Variants in ADARB1 observed in about 807,000 individuals in gnomAD.
ADARB1 encodes adenosine deaminase RNA specific B1.
A neutral mutation model predicts 52.4 loss-of-function variants in ADARB1; 10 were observed. The observed-to-expected ratio is 0.19, with a 90% CI of 0.12 to 0.32. ADARB1 has a LOEUF of 0.32. Among genes scored for constraint, ADARB1 ranks in the 10% least tolerant of loss-of-function variants. The pLI is 1.00. For synonymous variants in ADARB1, 349 were observed against 371.1 expected (o/e 0.94, Z 0.68); for missense variants, 643 against 922.3 (o/e 0.70, Z 3.92).
At position 45,157,544 on chromosome 21, in the gene ADARB1, G is replaced by C. The variant is rs997259066; in HGVS notation, c.-47-14066G>C. Among the ~76,000 whole-genome samples the C allele has an allele frequency of 6.6e-6, 1 of 152,132 alleles. No individual in the cohort carries two copies. Among genetic ancestry groups the C allele is most frequent in the Non-Finnish European group, 1.5e-5 (1 of 68,014 alleles). ...GTTTGTGCTCTCGTGTGCCGGCTCTGACCTGTGATTTTGTTGCTGGATGTC... is the reference window on the plus strand; with the variant it reads ...GTTTGTGCTCTCGTGTGCCGGCTCTCACCTGTGATTTTGTTGCTGGATGTC... On this transcript the variant is annotated intron_variant, in intron 2 of 10. Transcript: ENST00000348831. This position sits in a 1 kb window ranked among gnomAD's most constrained non-coding sequence, Gnocchi z 4.1.
chr21:45,125,937 C>G (rs1337659350), intron 1 of ADARB1, among the ~76,000 whole-genome samples: 1 of 152,182 alleles, frequency 6.6e-6, no homozygotes, highest in Non-Finnish European at 1.5e-5. Flanking sequence ...TACTCCTATT[C>G]TAGCTTGAGC....
At chr21:45,194,430 CCT>C (rs879741176) in intron 8 of ADARB1, among the ~76,000 whole-genome samples, 21,236 of 151,272 alleles carry the variant, frequency 0.14, 2,139 homozygotes, top group African/African-American at 0.26. Flanking sequence ...CTGTACTCTG[CCT>C]GTTCACCCCC....
intron 8 of ADARB1, among the ~76,000 whole-genome samples, chr21:45,202,403 G>A (rs1043622556): frequency 1.2e-4 from 19 of 152,148 alleles, no homozygotes; most frequent in African/African-American, 4.6e-4. Flanking sequence ...TGAGGTTGGC[G>A]GCTGTTTGTC....
chr21:45,133,186 G>A (rs1479654701), intron 2 of ADARB1, among the ~76,000 whole-genome samples: 1 of 152,242 alleles, frequency 6.6e-6, no homozygotes, highest in African/African-American at 2.4e-5. Context: ...AGGAGTTAAG[G>A]TGCCTGTATT....
intron 2 of ADARB1, among the ~76,000 whole-genome samples, chr21:45,150,666 T>C (rs974235002): frequency 1.3e-4 from 20 of 152,190 alleles, no homozygotes; most frequent in African/African-American, 4.6e-4. Flanking sequence ...AGCCCCACCC[T>C]AACGAGAAGT....
At chr21:45,198,868 A>G (rs969469305) in intron 8 of ADARB1, among the ~76,000 whole-genome samples, 5 of 151,716 alleles carry the variant, frequency 3.3e-5, no homozygotes, top group African/African-American at 1.2e-4. Context: ...TTAAAGCTTC[A>G]TTAATTCCTC....
chr21:45,114,471 C>T (rs1388953867), intron 1 of ADARB1, among the ~76,000 whole-genome samples: 2 of 152,158 alleles, frequency 1.3e-5, no homozygotes, highest in East Asian at 3.8e-4. Context: ...TGGTGGATGC[C>T]AGGGTCAGGG....
At chr21:45,194,971 T>C (rs751505800) in intron 8 of ADARB1, among the ~76,000 whole-genome samples, 1 of 152,204 alleles carries the variant, frequency 6.6e-6, no homozygotes, top group African/African-American at 2.4e-5. Context: ...TGAGGATATG[T>C]TGAGTTTTGT....
chr21:45,115,928 C>T (rs967290435), intron 1 of ADARB1, among the ~76,000 whole-genome samples: 4 of 152,170 alleles, frequency 2.6e-5, no homozygotes, highest in African/African-American at 9.7e-5. Flanking sequence ...TATTTCTTCC[C>T]CCTGCAAAGC....
chr21:45,113,517 G>A (rs955180973), intron 1 of ADARB1, among the ~76,000 whole-genome samples: 2 of 149,926 alleles, frequency 1.3e-5, no homozygotes, highest in Non-Finnish European at 3.0e-5. Context: ...GTGTGTGTGT[G>A]TGTGTGTATA....
At chr21:45,216,276 G>T (rs1174285892) in intron 9 of ADARB1, among the ~76,000 whole-genome samples, 2 of 151,822 alleles carry the variant, frequency 1.3e-5, no homozygotes, top group Non-Finnish European at 2.9e-5. Context: ...TAGGTTCAGT[G>T]ATTTTTGTCT....
At chr21:45,096,972 C>T (rs1159218217) in intron 1 of ADARB1, among the ~76,000 whole-genome samples, 2 of 152,208 alleles carry the variant, frequency 1.3e-5, no homozygotes, top group South Asian at 2.1e-4. Flanking sequence ...ATCTCCTGAC[C>T]TTGTGATCCA....
In ADARB1 at chr21:45,200,256, A is replaced by C. The variant is rs2092521816; in HGVS notation, c.1566-4299A>C. 1.3e-5 allele frequency among the ~76,000 whole-genome samples: 2 copies of C among 152,128 alleles called. No individual in the cohort carries two copies. Among genetic ancestry groups the C allele is most frequent in the South Asian group, 4.1e-4 (2 of 4,830 alleles). On this transcript the variant is annotated intron_variant, in intron 8 of 10. Transcript: ENST00000348831. This position sits in a 1 kb window ranked among gnomAD's most constrained non-coding sequence, Gnocchi z 5.0. ...GTGGGAGCCACAGCACTGCCATTGG[A>C]GGTCACCAGGGTGTCCATCCCACTG...
chr21:45,168,774 C>A (rs1449805312), intron 2 of ADARB1, among the ~76,000 whole-genome samples: 1 of 152,060 alleles, frequency 6.6e-6, no homozygotes, highest in South Asian at 2.1e-4. Flanking sequence ...ACATTAAAGT[C>A]TTTCTAAGAG....
chr21:45,074,596 C>CGGCGGCGGCG lies in ADARB1; in HGVS notation c.-416_-415insGCGGCGGCGG, dbSNP rs1568982717. 1 of 125,030 alleles carries CGGCGGCGGCG rather than the reference C, an allele frequency of 8.0e-6. No individual in the cohort carries two copies. The highest frequency in any genetic ancestry group is 1.8e-5 in the Non-Finnish European group (1 of 56,912). 7.7% of individuals were successfully genotyped at this position (125,030 alleles called of 1,614,324 possible). Reference sequence around the variant, plus strand: ...GGCGGGGCTGAGGCGCTGAGGCGGCCGTGGCGGCGGCGGCGGCGGCGGCGG... The same window carrying CGGCGGCGGCG: ...GGCGGGGCTGAGGCGCTGAGGCGGCCGGCGGCGGCGGTGGCGGCGGCGGCGGCGGCGGCGG... On this transcript the variant is annotated 5_prime_UTR_variant, in exon 1 of 11. Transcript: ENST00000348831.
intron 2 of ADARB1, among the ~76,000 whole-genome samples, chr21:45,131,619 C>T (rs1489733677): frequency 6.6e-6 from 1 of 152,250 alleles, no homozygotes; most frequent in Non-Finnish European, 1.5e-5. Context: ...GGCATCGCTG[C>T]CGCCTCCTGC....
intron 9 of ADARB1, among the ~76,000 whole-genome samples, chr21:45,214,679 G>T (rs982684015): frequency 6.6e-6 from 1 of 152,172 alleles, no homozygotes; most frequent in Non-Finnish European, 1.5e-5. Flanking sequence ...TCAAAAATCA[G>T]CTGGCATGTA....
rs2092963519 is a variant in ADARB1 at position 45,221,522 on chromosome 21, G to A, written c.1927-496G>A. Among the ~76,000 whole-genome samples, 1 of 152,268 alleles carries A rather than the reference G, an allele frequency of 6.6e-6. No individual in the cohort carries two copies. The highest frequency in any genetic ancestry group is 3.4e-3 in the Middle Eastern group (1 of 294). Reference sequence around the variant, plus strand: ...AGTAGATGGCATCTGTTTATTCTGAGACCAGCATTGTGCACTGGCATGGGA... The same window carrying A: ...AGTAGATGGCATCTGTTTATTCTGAAACCAGCATTGTGCACTGGCATGGGA... On this transcript the variant is annotated intron_variant, in intron 10 of 10. Coordinates refer to ENST00000348831, the MANE Select transcript of ADARB1 (RefSeq NM_001112.4). The surrounding 1 kb of genome is among the most constrained non-coding windows in gnomAD (Gnocchi z 4.9).
chr21:45,189,060 G>A (rs754786131), intron 8 of ADARB1, among the ~76,000 whole-genome samples: 2 of 152,150 alleles, frequency 1.3e-5, no homozygotes, highest in Non-Finnish European at 2.9e-5. Flanking sequence ...AGAGTAGCAT[G>A]GTAAAGACCT....
Sources: allele counts gnomAD v4.1 joint callset (sites outside exome capture counted in the v4.1 genomes callset), GRCh38; gene constraint gnomAD v4.1.1; non-coding constraint Gnocchi (gnomAD v3.1); transcripts MANE v1.5; gene names NCBI Gene and HGNC (gene_info 2026-07-23, HGNC 2026-07-21).